KIF27: variants seen among roughly 807,000 people sequenced by gnomAD.
KIF27 encodes kinesin-like protein KIF27.
KIF27 carries 84 observed loss-of-function variants against 141.8 expected under a neutral mutation model. The ratio of observed to expected loss-of-function variants is 0.59; its 90% CI spans 0.50 to 0.71. KIF27 has a LOEUF of 0.71. KIF27 is among the 30% of genes least tolerant of loss of function. The probability of loss-of-function intolerance (pLI) is 0.00; values close to 1 mark genes in which losing one functional copy is unlikely to be tolerated. For synonymous variants in KIF27, 471 were observed against 569.5 expected, an observed-to-expected ratio of 0.83 and a Z score of 2.46; for missense variants, 1,306 against 1,628.4, an observed-to-expected ratio of 0.80 and a Z score of 3.41.
intron 15 of KIF27, 108 bp downstream of exon 15, chr9:83,853,521 A>T: frequency 2.8e-6 from 2 of 720,762 alleles, no homozygotes; most frequent in South Asian, 3.8e-5. Context: ...TAGTTACATC[A>T]TCAAATCTTT....
intron 5 of KIF27, among the ~76,000 whole-genome samples, chr9:83,896,063 AAAAAAAAAAAAAC>A (rs894300976): frequency 8.0e-5 from 12 of 149,212 alleles, no homozygotes; most frequent in Admixed American, 3.3e-4. Flanking sequence ...AAAAAAAAAA[AAAAAAAAAAAAAC>A]AAAACACACA....
intron 15 of KIF27, among the ~76,000 whole-genome samples, chr9:83,852,000 C>T (rs1203177806): frequency 3.3e-5 from 5 of 151,816 alleles, no homozygotes; most frequent in South Asian, 4.2e-4. Flanking sequence ...TGGCAGCACA[C>T]GCCTGTGATC....
At chr9:83,904,812 G>GT (rs1219089162) in intron 3 of KIF27, among the ~76,000 whole-genome samples, 1 of 150,504 alleles carries the variant, frequency 6.6e-6, no homozygotes, top group East Asian at 1.9e-4. Flanking sequence ...TAGCTTTTAT[G>GT]TTTTTTGGTA....
Position 83,889,126 on chromosome 9 carries a change from C to T in KIF27, c.1937G>A (p.Ser646Asn). The T allele has an allele frequency of 6.2e-7, 1 of 1,613,838 alleles. No homozygotes were observed. The highest frequency in any genetic ancestry group is 1.6e-4 in the Middle Eastern group (1 of 6,062). Residue 646 changes from serine (S) to asparagine (N), a missense_variant, in exon 7 of 18, where the codon AGT becomes AAT. By Grantham distance (46) the Ser-to-Asn change is conservative. Coordinates refer to ENST00000297814, the MANE Select transcript of KIF27 (RefSeq NM_017576.4). The stretch of plus-strand genomic sequence containing the variant: ...TTGGCCTTCTGATTCTTCATCATCA[C>T]TGTTATCAGAAAATTGGCAGTGGAG... ...KVLHCQFSDNSDDEESEGQEK... is the reference protein window; with the variant it reads ...KVLHCQFSDNNDDEESEGQEK...
At chr9:83,864,857 C>A (rs1333313505) in intron 13 of KIF27, among the ~76,000 whole-genome samples, 1 of 151,936 alleles carries the variant, frequency 6.6e-6, no homozygotes, top group African/African-American at 2.4e-5. Flanking sequence ...ATCTGGGTGC[C>A]CCTATATTGG....
intron 15 of KIF27, among the ~76,000 whole-genome samples, chr9:83,852,403 A>T (rs1287204158): frequency 6.6e-6 from 1 of 151,240 alleles, no homozygotes; most frequent in African/African-American, 2.4e-5. Flanking sequence ...CACTGAGCCG[A>T]GATCACGCCA....
chr9:83,850,950 G>T (rs2131692998), intron 15 of KIF27, among the ~76,000 whole-genome samples: 1 of 130,922 alleles, frequency 7.6e-6, no homozygotes, highest in East Asian at 2.5e-4. Flanking sequence ...CCATTCTCCT[G>T]CCTCAGCCTC....
intron 9 of KIF27, among the ~76,000 whole-genome samples, chr9:83,884,889 C>A (rs528079157): frequency 1.3e-5 from 2 of 152,184 alleles, no homozygotes; most frequent in South Asian, 2.1e-4. Context: ...CTTTTAAATT[C>A]TTTTCTTATT....
intron 13 of KIF27, among the ~76,000 whole-genome samples, chr9:83,861,403 C>G (rs1949902083): frequency 6.9e-6 from 1 of 145,704 alleles, no homozygotes; most frequent in Admixed American, 6.9e-5. Flanking sequence ...TTGTTCAATT[C>G]CCACCTATGA....
intron 5 of KIF27, chr9:83,898,789 C>T (rs1317621906): frequency 6.6e-6 from 1 of 152,008 alleles, no homozygotes. Flanking sequence ...ACCCTGTCTC[C>T]ACAAAAAAAT....
intron 14 of KIF27, chr9:83,855,285 C>T (rs1949070253): frequency 1.3e-5 from 2 of 152,216 alleles, no homozygotes; most frequent in Non-Finnish European, 2.9e-5. Context: ...ATCTCCCTGC[C>T]TCAGCCTCCC....
In KIF27 at chr9:83,874,731, C is replaced by T. The variant is rs139201309; in HGVS notation, c.2644-4099G>A. 2.6e-3 allele frequency among the ~76,000 whole-genome samples: 392 copies of T among 151,888 alleles called. 5 individuals are homozygous for T. The highest frequency in any genetic ancestry group is 8.9e-3 in the African/African-American group (368 of 41,420). ...GGAGGATCACTTGAGCCCAGGAGTT[C>T]GAGATCAGCCTGGGCAATATAGTAA... On this transcript the variant is annotated intron_variant, in intron 11 of 17. Coordinates refer to ENST00000297814, the MANE Select transcript of KIF27 (RefSeq NM_017576.4).
At chr9:83,878,200 G>A (rs1193745775) in intron 11 of KIF27, among the ~76,000 whole-genome samples, 2 of 41,766 alleles carry the variant, frequency 4.8e-5, no homozygotes, top group Admixed American at 1.6e-4. Flanking sequence ...GAGATACAAC[G>A]ATACAACTTC....
rs769982330 is a variant in KIF27, at chr9:83,837,351, A to C, written c.3856T>G (p.Leu1286Val). The C allele has an allele frequency of 6.2e-7, 1 of 1,610,340 alleles. No homozygotes were observed. The highest frequency in any genetic ancestry group is 1.7e-5 in the Admixed American group (1 of 59,942). ...EREMDSSASS[L>V]RTQPNPQKLW... ...TTTTGAGGATTTGGCTGTGTTCTTAAGCTGCTTGCTGAACTGTCCATTTCT... is the reference window on the plus strand; with the variant it reads ...TTTTGAGGATTTGGCTGTGTTCTTACGCTGCTTGCTGAACTGTCCATTTCT... Residue 1286 changes from leucine to valine, a missense_variant, in exon 18 of 18, where the codon TTA (leucine) becomes GTA (valine). By Grantham distance (32) the Leu-to-Val change is conservative. Transcript: ENST00000297814.
intron 5 of KIF27, among the ~76,000 whole-genome samples, chr9:83,898,112 T>C (rs560507938): frequency 1.1e-4 from 17 of 152,200 alleles, no homozygotes; most frequent in South Asian, 1.0e-3. Context: ...AAGAAATATA[T>C]GTGCATGTGC....
chr9:83,843,019 T>C (rs2131515697), intron 16 of KIF27, among the ~76,000 whole-genome samples: 1 of 152,200 alleles, frequency 6.6e-6, no homozygotes, highest in East Asian at 1.9e-4. Flanking sequence ...TAAGGTGTTT[T>C]CTATAAAAAG....
intron 4 of KIF27, among the ~76,000 whole-genome samples, chr9:83,902,356 G>C (rs968208233): frequency 1.3e-5 from 2 of 152,144 alleles, no homozygotes; most frequent in Non-Finnish European, 2.9e-5. Flanking sequence ...TTGCTCACTA[G>C]CTTGCAAACT....
chr9:83,857,984 T>C (rs1263493258), intron 14 of KIF27, among the ~76,000 whole-genome samples: 1 of 147,348 alleles, frequency 6.8e-6, no homozygotes, highest in Non-Finnish European at 1.5e-5. Context: ...TTTTTTTTTT[T>C]GCTTCTTCTA....
chr9:83,908,039 G>A (rs927731588), intron 3 of KIF27, among the ~76,000 whole-genome samples: 74 of 152,196 alleles, frequency 4.9e-4, no homozygotes, highest in Non-Finnish European at 7.8e-4. Context: ...TGAGGCAGGC[G>A]GATCACGAGG....
Sources: allele counts gnomAD v4.1 joint callset (sites outside exome capture counted in the v4.1 genomes callset), GRCh38; gene constraint gnomAD v4.1.1; transcripts MANE v1.5; gene names NCBI Gene and HGNC (gene_info 2026-07-23, HGNC 2026-07-21).